Variants in RDH11 observed in about 807,000 individuals in gnomAD.
RDH11 encodes the protein HCV core-binding protein HCBP12.
RDH11 carries 19 observed loss-of-function variants against 33.4 expected under a neutral mutation model. The observed-to-expected ratio is 0.57, with a 90% CI of 0.40 to 0.83. RDH11 has a LOEUF of 0.83. Ranked by LOEUF, RDH11 falls within the 40% of genes least tolerant of loss-of-function variation. The pLI, the probability that RDH11 is intolerant of heterozygous loss-of-function variation, is 0.00. For missense variants in RDH11, 353 were observed against 389.0 expected (o/e 0.91, Z 0.78); for synonymous variants, 154 against 155.3 (o/e 0.99, Z 0.06).
Position 67,695,720 on chromosome 14 carries a change from G to C in RDH11, c.-17C>G, listed in dbSNP as rs770958570. 10 of 1,613,310 alleles carry C rather than the reference G, an allele frequency of 6.2e-6. No homozygotes were observed. The highest frequency in any genetic ancestry group is 3.3e-5 in the South Asian group (3 of 91,078). ...CTCAACCATCTCTGCCGGCTGCAGC[G>C]GCACCAGAGCGGGATGCTCCAGCGT... On this transcript the variant is annotated 5_prime_UTR_variant, in exon 1 of 7. Transcript: ENST00000381346.
At chr14:67,690,908 TA>T in intron 4 of RDH11, 1 of 528,420 alleles carries the variant, frequency 1.9e-6, no homozygotes, top group Non-Finnish European at 3.4e-6. Context: ...ATTAGTCTGT[TA>T]AAAAATGCGC....
chr14:67,684,218 C>T (rs2037648472), intron 6 of RDH11, among the ~76,000 whole-genome samples: 1 of 152,222 alleles, frequency 6.6e-6, no homozygotes, highest in Non-Finnish European at 1.5e-5. Context: ...ATCTGTCTGC[C>T]TTTCTTTCCA....
chr14:67,686,561 C>T (rs1428893149), intron 5 of RDH11, among the ~76,000 whole-genome samples: 2 of 145,608 alleles, frequency 1.4e-5, no homozygotes, highest in Admixed American at 7.1e-5. Context: ...ATGACTTGAA[C>T]CAGGGAGACA....
chr14:67,691,288 C>T (rs371374199), intron 3 of RDH11, 44 bp from the exon 4 acceptor site: 23 of 1,376,926 alleles, frequency 1.7e-5, no homozygotes, highest in Non-Finnish European at 2.4e-5. Flanking sequence ...CTAGCCAAGG[C>T]TATTACATCT....
chr14:67,691,016 T>C (rs910970058), intron 4 of RDH11, 124 bp downstream of exon 4: 6 of 711,730 alleles, frequency 8.4e-6, no homozygotes, highest in Non-Finnish European at 1.3e-5. Context: ...CAAACTATTA[T>C]GCACACATGG....
chr14:67,692,290 T>C, intron 3 of RDH11, 148 bp downstream of exon 3: 2 of 754,472 alleles, frequency 2.7e-6, no homozygotes, highest in East Asian at 2.6e-5. Flanking sequence ...ACATAAATTG[T>C]GTCCCAGTGA....
At chr14:67,693,499 C>G (rs1466648327) in intron 1 of RDH11, among the ~76,000 whole-genome samples, 1 of 148,974 alleles carries the variant, frequency 6.7e-6, no homozygotes, top group Non-Finnish European at 1.5e-5. Context: ...GCTTGTGACT[C>G]TGGGACAAAA....
chr14:67,695,577 C>T, intron 1 of RDH11, 53 bp downstream of exon 1: 2 of 1,544,208 alleles, frequency 1.3e-6, no homozygotes, highest in Non-Finnish European at 1.8e-6. Flanking sequence ...TCTATGTTTC[C>T]CTCCCGCCCC....
chr14:67,691,054 A>G (rs1263597877), intron 4 of RDH11, 86 bp downstream of exon 4: 1 of 863,582 alleles, frequency 1.2e-6, no homozygotes, highest in Non-Finnish European at 2.0e-6. Context: ...GTTCAATCAC[A>G]CAACAAGAAG....
intron 1 of RDH11, among the ~76,000 whole-genome samples, chr14:67,693,807 C>T (rs1405046715): frequency 2.0e-5 from 3 of 151,960 alleles, no homozygotes; most frequent in East Asian, 1.9e-4. Flanking sequence ...TGCGCCACCA[C>T]GCCCAGCTAA....
rs1287484635 is a variant in RDH11, at chr14:67,677,500, T to A, written c.*821A>T. The A allele has an allele frequency of 6.6e-6, 1 of 151,296 alleles. No individual in the cohort carries two copies. The highest frequency in any genetic ancestry group is 6.6e-5 in the Admixed American group (1 of 15,138). 9.4% of individuals were successfully genotyped at this position (151,296 alleles called of 1,614,324 possible). ...TCTTTTGCTATTAATCCTTAACTAG[T>A]TAATCCTTAAAGGGCTAGTTAATCC... On this transcript the variant is annotated 3_prime_UTR_variant, in exon 7 of 7. Transcript: ENST00000381346.
rs2037734170 is a variant in RDH11, at chr14:67,690,384, T to C, written c.492A>G (p.Leu164=). The C allele has an allele frequency of 6.2e-7, 1 of 1,614,202 alleles. No individual in the cohort carries two copies. The highest frequency in any genetic ancestry group is 1.1e-5 in the South Asian group (1 of 91,086). The change falls in exon 5 of 7, where the codon CTA becomes CTG. Residue 164 remains leucine, a synonymous_variant. Transcript: ENST00000381346. The stretch of plus-strand genomic sequence containing the variant: ...CTATCCTTGATGGGGCTGATTCCTT[T>C]AGTTTCTCTAGCAGCAGATGGGTTA... ...FLLTHLLLEK[L]KESAPSRIVN...
chr14:67,685,499 CT>C (rs1447948984), intron 5 of RDH11, among the ~76,000 whole-genome samples: 1 of 152,134 alleles, frequency 6.6e-6, no homozygotes, highest in African/African-American at 2.4e-5. Flanking sequence ...CCACCCCCTT[CT>C]TTTTTAGAGA....
At chr14:67,689,171 T>C (rs932641299) in intron 5 of RDH11, among the ~76,000 whole-genome samples, 1 of 152,242 alleles carries the variant, frequency 6.6e-6, no homozygotes, top group Non-Finnish European at 1.5e-5. Context: ...TGATAAAAGA[T>C]GTCATGCCCT....
chr14:67,695,025 G>A (rs2037811685), intron 1 of RDH11, among the ~76,000 whole-genome samples: 1 of 152,132 alleles, frequency 6.6e-6, no homozygotes, highest in African/African-American at 2.4e-5. Context: ...AGCCCTCACC[G>A]CCCCAGTACC....
rs2037659110 is a variant in RDH11, at chr14:67,685,025, TC to T, written c.843del (p.Asn282IlefsTer20). 1 of 1,607,752 alleles carries T rather than the reference TC, an allele frequency of 6.2e-7. No homozygotes were observed. Among genetic ancestry groups the T allele is most frequent in the Non-Finnish European group, 8.5e-7 (1 of 1,177,916 alleles). ...AGATAACATTCATACCTGAAATGAT[TC>T]CCACTTAGAATCTCAAGACCTTCTG... is the stretch of plus-strand genomic sequence containing the variant. Reference protein sequence around the residue: ...ALTEGLEILSGNHFSDCHVAW... With the variant: ...ALTEGLEILSXNHFSDCHVAW... On this transcript the variant is annotated frameshift_variant, in exon 6 of 7. Coordinates refer to ENST00000381346, the MANE Select transcript of RDH11 (RefSeq NM_016026.4). LOFTEE classifies it high-confidence loss of function.
intron 5 of RDH11, 114 bp from the exon 6 acceptor site, chr14:67,685,318 C>G: frequency 1.3e-6 from 1 of 759,808 alleles, no homozygotes; most frequent in East Asian, 2.7e-5. Context: ...CTCTTTTGCC[C>G]ATGGTGACAT....
At chr14:67,688,695 A>G (rs2037711767) in intron 5 of RDH11, among the ~76,000 whole-genome samples, 2 of 151,280 alleles carry the variant, frequency 1.3e-5, no homozygotes, top group South Asian at 2.1e-4. Context: ...TTGGCCTCCT[A>G]AAGTGCCTGG....
chr14:67,691,179 C>T lies in RDH11; in HGVS notation c.415G>A (p.Ala139Thr), dbSNP rs761147566. 6.2e-7 allele frequency: 1 copy of T among 1,614,058 alleles called. No homozygotes were observed. Among genetic ancestry groups the T allele is most frequent in the East Asian group, 2.2e-5 (1 of 44,884 alleles). ...GVMMCPYSKTADGFEMHIGVN... is the reference protein window; with the variant it reads ...GVMMCPYSKTTDGFEMHIGVN... ...CCTATGTGCATCTCAAAGCCATCTG[C>T]TGTCTTCGAGTACGGACACATCATC... The change falls in exon 4 of 7, where the codon GCA (alanine) becomes ACA (threonine). Residue 139 changes from alanine to threonine, a missense_variant. By Grantham distance (58) the Ala-to-Thr change is moderately conservative. Transcript: ENST00000381346.
Sources: gnomAD v4.1 joint callset for allele counts (sites outside exome capture counted in the v4.1 genomes callset) on GRCh38, gnomAD v4.1.1 for gene constraint, MANE v1.5 for transcripts, NCBI Gene and HGNC (gene_info 2026-07-23, HGNC 2026-07-21) for gene names.